ORC1: variants seen among roughly 807,000 people sequenced by gnomAD.
The protein encoded by ORC1 is origin recognition complex subunit 1, also known as origin recognition complex, subunit 1 homolog.
ORC1 carries 61 observed loss-of-function variants against 98.9 expected under a neutral mutation model. The observed-to-expected ratio is 0.62, with a 90% confidence interval of 0.50 to 0.76. The LOEUF (loss-of-function observed/expected upper bound fraction) is 0.76. Among genes scored for constraint, ORC1 ranks in the 30% least tolerant of loss-of-function variants. The probability of loss-of-function intolerance (pLI) is 0.00; values close to 1 mark genes in which losing one functional copy is unlikely to be tolerated. For missense variants in ORC1, 979 were observed against 1,072.2 expected, an observed-to-expected ratio of 0.91 and a Z score of 1.21; for synonymous variants, 385 against 406.9, an observed-to-expected ratio of 0.95 and a Z score of 0.65.
At chr1:52,389,355 G>A in intron 6 of ORC1, 34 bp from the exon 7 acceptor site, 1 of 1,509,154 alleles carries the variant, frequency 6.6e-7, no homozygotes, top group Non-Finnish European at 9.2e-7. Flanking sequence ...ACGGGAAGCA[G>A]TTTTGGATAC....
In ORC1 at chr1:52,393,806, A is replaced by G; in HGVS notation, c.722-3T>C. 7.4e-6 allele frequency: 12 copies of G among 1,611,928 alleles called. No homozygotes were observed. The highest frequency in any genetic ancestry group is 1.0e-5 in the Non-Finnish European group (12 of 1,179,980). On this transcript the variant is annotated splice_polypyrimidine_tract_variant and splice_region_variant and intron_variant, in intron 5 of 16. Transcript: ENST00000371568. ...GGACATCTGAGGGTTACCTAAGTCT[A>G]AGAGAAATCATCACAATGTGTAAAT...
intron 6 of ORC1, among the ~76,000 whole-genome samples, chr1:52,389,637 A>G (rs1051823829): frequency 6.6e-6 from 1 of 152,220 alleles, no homozygotes; most frequent in African/African-American, 2.4e-5. Context: ...TGATGCATGC[A>G]TGAATTTATT....
At chr1:52,401,213 TAGATGGAAGA>T in intron 3 of ORC1, 139 bp downstream of exon 3, 1 of 994,806 alleles carries the variant, frequency 1.0e-6, no homozygotes, top group Non-Finnish European at 1.6e-6. Context: ...AGAAATTTTT[TAGATGGAAGA>T]AGACGCAGCT....
rs771253926 is a variant in ORC1 at position 52,385,164 on chromosome 1, C to G, written c.1580G>C (p.Gly527Ala). ...CTGCCTGCCTCACATGACTCACCCTCCGGTATGGTCAAGGAGTTTGCTTTC... is the reference window on the plus strand; with the variant it reads ...CTGCCTGCCTCACATGACTCACCCTGCGGTATGGTCAAGGAGTTTGCTTTC... Reference protein sequence around the residue: ...FVESKLLDHTGGCMYISGVPG... With the variant: ...FVESKLLDHTAGCMYISGVPG... Residue 527 changes from glycine (G) to alanine (A), a missense_variant, in exon 10 of 17, where the codon GGA becomes GCA. Physicochemically the swap from Gly to Ala is moderately conservative, Grantham distance 60. Transcript: ENST00000371568. 1 of 1,606,376 alleles carries G rather than the reference C, an allele frequency of 6.2e-7. No homozygotes were observed. The highest frequency in any genetic ancestry group is 8.5e-7 in the Non-Finnish European group (1 of 1,172,918).
chr1:52,388,282 C>T (rs1647169435), intron 8 of ORC1, among the ~76,000 whole-genome samples, 160 bp downstream of exon 8: 1 of 152,190 alleles, frequency 6.6e-6, no homozygotes, highest in Non-Finnish European at 1.5e-5. Context: ...CTAGTGTTCA[C>T]TTAGGTCCCC....
chr1:52,400,563 C>T (rs1647656033), intron 3 of ORC1, among the ~76,000 whole-genome samples: 1 of 152,246 alleles, frequency 6.6e-6, no homozygotes, highest in African/African-American at 2.4e-5. Flanking sequence ...CAGACTACCA[C>T]AGGATTACCT....
intron 14 of ORC1, 62 bp from the exon 15 acceptor site, chr1:52,375,661 G>A (rs1245782121): frequency 5.3e-6 from 8 of 1,516,874 alleles, no homozygotes; most frequent in Non-Finnish European, 7.3e-6. Context: ...AGAGATTCTT[G>A]GTAGTGCTGG....
intron 5 of ORC1, 69 bp downstream of exon 5, chr1:52,395,977 A>C: frequency 6.2e-7 from 1 of 1,603,330 alleles, no homozygotes; most frequent in Non-Finnish European, 8.5e-7. Flanking sequence ...ACTTTCCCAT[A>C]AATTATCATT....
chr1:52,396,119 G>A lies in ORC1; in HGVS notation c.648C>T (p.His216=). 6.2e-7 allele frequency: 1 copy of A among 1,614,208 alleles called. No individual in the cohort carries two copies. The highest frequency in any genetic ancestry group is 8.5e-7 in the Non-Finnish European group (1 of 1,180,046). The stretch of plus-strand genomic sequence containing the variant: ...GAGTTTGGCGAGATTTGGAGGCGGA[G>A]TGCCTTGATTCAATCCTTTTGGCCA... ...EHVAKRIESR[H]SASKSRQTPT... Residue 216 remains histidine (H), a synonymous_variant, in exon 5 of 17, where the codon CAC becomes CAT. Coordinates refer to ENST00000371568, the MANE Select transcript of ORC1 (RefSeq NM_004153.4).
chr1:52,405,554 T>C (rs773485527), upstream of ORC1: 1 of 803,950 alleles, frequency 1.2e-6, no homozygotes, highest in Non-Finnish European at 2.1e-6. Flanking sequence ...CTGTTATTAA[T>C]ACACATTCGT....
chr1:52,391,626 C>T lies in ORC1; in HGVS notation c.1082+1817G>A, dbSNP rs190763205. Among the ~76,000 whole-genome samples the T allele has an allele frequency of 6.6e-5, 10 of 152,070 alleles. No homozygotes were observed. In the East Asian group the frequency reaches 1.4e-3, roughly 21 times the overall value. On this transcript the variant is annotated intron_variant, in intron 6 of 16. Transcript: ENST00000371568. ...CAAAAAGTGGGCAAAGAGCTGGGTG[C>T]GGTGGCTCACGCCTATAATCCCAGC...
intron 4 of ORC1, 48 bp downstream of exon 4, chr1:52,397,637 G>A (rs1394584975): frequency 1.3e-6 from 2 of 1,575,094 alleles, no homozygotes; most frequent in Non-Finnish European, 1.7e-6. Flanking sequence ...TCAGGAGGCA[G>A]ACAGAAATAA....
At chr1:52,398,984 A>C (rs891980925) in intron 3 of ORC1, among the ~76,000 whole-genome samples, 2 of 152,138 alleles carry the variant, frequency 1.3e-5, no homozygotes, top group Non-Finnish European at 2.9e-5. Flanking sequence ...AGAGTTTGTC[A>C]AAGGTCACAT....
rs1374182006 is a variant in ORC1 at position 52,375,615 on chromosome 1, T to C, written c.2134-16A>G. ...GTGCTGCTACCTACAAGAGGGAATA[T>C]TTTATTCCTGAGGCCACCTTAGCCC... On this transcript the variant is annotated splice_polypyrimidine_tract_variant and intron_variant, in intron 14 of 16. Coordinates refer to ENST00000371568, the MANE Select transcript of ORC1 (RefSeq NM_004153.4). 6 of 1,612,010 alleles carry C rather than the reference T, an allele frequency of 3.7e-6. No homozygotes were observed. Among genetic ancestry groups the C allele is most frequent in the Non-Finnish European group, 5.1e-6 (6 of 1,179,058 alleles).
chr1:52,374,041 G>C (rs1646965937), intron 16 of ORC1, among the ~76,000 whole-genome samples: 1 of 152,168 alleles, frequency 6.6e-6, no homozygotes, highest in Admixed American at 6.5e-5. Context: ...AGTTTGTCAG[G>C]AACAGGGATG....
rs1569949571 is a variant in ORC1, at chr1:52,396,451, T to C, written c.403-87A>G. On this transcript the variant is annotated intron_variant, in intron 4 of 16. Transcript: ENST00000371568. ...CCATCAGAGCTACAATTAAAAACAT[T>C]GAAGTCCACATCTGTACCTAAAATG... The C allele has an allele frequency of 7.9e-6, 12 of 1,527,022 alleles. No individual in the cohort carries two copies. The Admixed American group carries it at 8.4e-5, about 11-fold the overall frequency. 94.6% of individuals were successfully genotyped at this position (1,527,022 alleles called of 1,614,324 possible).
intron 15 of ORC1, 115 bp downstream of exon 15, chr1:52,375,315 T>A: frequency 1.1e-6 from 1 of 921,146 alleles, no homozygotes; most frequent in Non-Finnish European, 1.8e-6. Flanking sequence ...CTAGATAATG[T>A]CCCTATGAAA....
Position 52,393,743 on chromosome 1 carries a change from C to T in ORC1, c.782G>A (p.Arg261Lys). ...TSCASLDSPG[R>K]IKRKVAFSEI... ...CGAGAAGGCCACTTTCCGTTTTATT[C>T]TTCCTGGAGAATCCAAGGAGGCACA... The change falls in exon 6 of 17, where the codon AGA becomes AAA. Residue 261 changes from arginine (R) to lysine (K), a missense_variant. By Grantham distance (26) the Arg-to-Lys change is conservative (BLOSUM62 2). Coordinates refer to ENST00000371568, the MANE Select transcript of ORC1 (RefSeq NM_004153.4). 6.2e-7 allele frequency: 1 copy of T among 1,614,022 alleles called. No individual in the cohort carries two copies. The highest frequency in any genetic ancestry group is 8.5e-7 in the Non-Finnish European group (1 of 1,180,006).
intron 6 of ORC1, among the ~76,000 whole-genome samples, chr1:52,392,529 C>A (rs184183525): frequency 6.6e-6 from 1 of 152,044 alleles, no homozygotes; most frequent in Non-Finnish European, 1.5e-5. Flanking sequence ...GTAGATCCAC[C>A]ATTTGATTCA....
Sources: allele counts gnomAD v4.1 joint callset (sites outside exome capture counted in the v4.1 genomes callset), GRCh38; gene constraint gnomAD v4.1.1; transcripts MANE v1.5; gene names NCBI Gene and HGNC (gene_info 2026-07-23, HGNC 2026-07-21).